The following COL6A5 variants were observed in gnomAD, a reference collection of about 807,000 sequenced individuals.
COL6A5 encodes collagen alpha-5(VI) chain.
COL6A5 carries 48 observed loss-of-function variants against 65.6 expected under a neutral mutation model. The ratio of observed to expected loss-of-function variants is 0.73; its 90% CI spans 0.58 to 0.93. The LOEUF (loss-of-function observed/expected upper bound fraction) is 0.93, where lower values mean the gene tolerates loss of function less well. COL6A5 is among the 40% of genes least tolerant of loss of function. COL6A5 has a pLI of 0.00. For missense variants in COL6A5, 914 were observed against 928.3 expected, an observed-to-expected ratio of 0.98 and a Z score of 0.20; for synonymous variants, 291 against 322.8, an observed-to-expected ratio of 0.90 and a Z score of 1.05.
intron 1 of COL6A5, among the ~76,000 whole-genome samples, chr3:130,435,493 T>C (rs925429329): frequency 3.3e-5 from 5 of 152,150 alleles, no homozygotes; most frequent in Non-Finnish European, 7.4e-5. Flanking sequence ...AATGGTAGTT[T>C]AATGGGAATA....
chr3:130,408,471 T>C (rs967300143), intron 17 of COL6A5, among the ~76,000 whole-genome samples: 1 of 152,184 alleles, frequency 6.6e-6, no homozygotes, highest in Non-Finnish European at 1.5e-5. Context: ...GTTAAGATGT[T>C]TATCAATGAC....
chr3:130,376,984 C>T, intron 3 of COL6A5, 148 bp downstream of exon 3: 1 of 900,782 alleles, frequency 1.1e-6, no homozygotes, highest in South Asian at 2.5e-5. Context: ...CTCGCTTCTG[C>T]CTTTGCTTGT....
intron 4 of COL6A5, 59 bp from the exon 5 acceptor site, chr3:130,384,745 C>A: frequency 7.3e-7 from 1 of 1,374,714 alleles, no homozygotes. Context: ...CCTTCACAAA[C>A]CCTCTTGCAA....
intron 4 of COL6A5, among the ~76,000 whole-genome samples, chr3:130,453,183 A>G (rs143808765): frequency 6.6e-6 from 1 of 152,298 alleles, no homozygotes; most frequent in East Asian, 1.9e-4. Context: ...ATTAAAGTAA[A>G]GACAGGCATA....
exon 4 of COL6A5, chr3:130,379,497 A>T: frequency 6.4e-7 from 1 of 1,551,354 alleles, no homozygotes; most frequent in East Asian, 2.4e-5. Flanking sequence ...GGACCGGAGG[A>T]AATTTAAGGC....
intron 2 of COL6A5, among the ~76,000 whole-genome samples, chr3:130,374,360 T>C (rs1229026109): frequency 1.3e-5 from 2 of 152,142 alleles, no homozygotes; most frequent in Non-Finnish European, 2.9e-5. Context: ...GAGTTATATA[T>C]CTAAACACAT....
At chr3:130,464,168 G>C (rs1709763331) in intron 5 of COL6A5, among the ~76,000 whole-genome samples, 1 of 151,878 alleles carries the variant, frequency 6.6e-6, no homozygotes, top group Non-Finnish European at 1.5e-5. Flanking sequence ...ATTTTGCTCT[G>C]TTGCCCAGGC....
At chr3:130,368,182 A>T (rs1356935560) in intron 1 of COL6A5, among the ~76,000 whole-genome samples, 1 of 152,184 alleles carries the variant, frequency 6.6e-6, no homozygotes, top group African/African-American at 2.4e-5. Context: ...ACTTGTCTGG[A>T]ATGCTCCAAT....
intron 23 of COL6A5, among the ~76,000 whole-genome samples, 157 bp downstream of exon 23, chr3:130,415,864 C>T (rs1036809069): frequency 2.0e-5 from 3 of 152,158 alleles, no homozygotes; most frequent in Non-Finnish European, 4.4e-5. Flanking sequence ...TCAGATTCCT[C>T]ATACGTAGCT....
At chr3:130,369,375 T>G (rs1366330569) in intron 1 of COL6A5, among the ~76,000 whole-genome samples, 1 of 152,240 alleles carries the variant, frequency 6.6e-6, no homozygotes, top group African/African-American at 2.4e-5. Flanking sequence ...ATAAACTGTT[T>G]ACATACTTCC....
At chr3:130,480,951 A>G (rs1710222916) in intron 7 of COL6A5, among the ~76,000 whole-genome samples, 1 of 152,166 alleles carries the variant, frequency 6.6e-6, no homozygotes, top group Admixed American at 6.6e-5. Context: ...CATAGAGGGC[A>G]GCTTAAGCCT....
chr3:130,471,578 C>A, intron 7 of COL6A5, 104 bp from the exon 40 acceptor site: 1 of 1,061,100 alleles, frequency 9.4e-7, no homozygotes, highest in Non-Finnish European at 1.3e-6. Flanking sequence ...ATTCCAATCA[C>A]ATACATAAAA....
At chr3:130,393,535 TAC>T (rs1936478848) in intron 7 of COL6A5, among the ~76,000 whole-genome samples, 5 of 152,214 alleles carry the variant, frequency 3.3e-5, no homozygotes, top group Admixed American at 3.3e-4. Context: ...TTACTAAGAC[TAC>T]AGTCTTTTCC....
At chr3:130,429,628 C>T, upstream of COL6A5, 13 of 1,506,518 alleles carry the variant, frequency 8.6e-6, no homozygotes, top group Non-Finnish European at 1.2e-5. Flanking sequence ...ATCATTACTG[C>T]TGCATTCCAA....
intron 7 of COL6A5, among the ~76,000 whole-genome samples, chr3:130,475,031 G>GGAAAA (rs137971001): frequency 1.8e-5 from 2 of 113,292 alleles, no homozygotes; most frequent in African/African-American, 7.0e-5. Flanking sequence ...AAAAAAAAAA[G>GGAAAA]GAAAAGAAAA....
At chr3:130,374,137 G>A (rs1935673487) in intron 2 of COL6A5, among the ~76,000 whole-genome samples, 2 of 152,010 alleles carry the variant, frequency 1.3e-5, no homozygotes. Context: ...CACACACACA[G>A]TCATACGTCA....
chr3:130,393,776 C>T (rs1936491307), intron 7 of COL6A5, among the ~76,000 whole-genome samples: 1 of 152,162 alleles, frequency 6.6e-6, no homozygotes, highest in South Asian at 2.1e-4. Flanking sequence ...CCAGCTTCAG[C>T]CTGAAACAGC....
chr3:130,402,194 T>C (rs893358181), intron 12 of COL6A5, among the ~76,000 whole-genome samples: 3 of 152,144 alleles, frequency 2.0e-5, no homozygotes, highest in African/African-American at 2.4e-5. Flanking sequence ...TAATCCCAGC[T>C]ACTTGGGAGG....
At chr3:130,347,207 C>A (rs557369218) in intron 1 of COL6A5, among the ~76,000 whole-genome samples, 1 of 152,228 alleles carries the variant, frequency 6.6e-6, no homozygotes, top group African/African-American at 2.4e-5. Flanking sequence ...TTTCCCTTTT[C>A]TTCAATGGGT....
Sources: allele counts gnomAD v4.1 joint callset (sites outside exome capture counted in the v4.1 genomes callset), GRCh38; gene constraint gnomAD v4.1.1; transcripts MANE v1.5; gene names NCBI Gene and HGNC (gene_info 2026-07-23, HGNC 2026-07-21).